KATNIP: variants seen among roughly 807,000 people sequenced by gnomAD.
KATNIP encodes katanin-interacting protein.
Under a neutral mutation model 174.0 loss-of-function variants are expected in KATNIP, and 126 were observed. The ratio of observed to expected loss-of-function variants is 0.72; its 90% CI spans 0.63 to 0.84. KATNIP has a LOEUF of 0.84. Among genes scored for constraint, KATNIP ranks in the 40% least tolerant of loss-of-function variants. KATNIP has a pLI of 0.00. For missense variants in KATNIP, 1,958 were observed against 2,109.7 expected (o/e 0.93, Z 1.41); for synonymous variants, 810 against 835.7 (o/e 0.97, Z 0.53).
rs2082623189 is a variant in KATNIP, at chr16:27,779,651, C to G, written c.*1022C>G. The G allele has an allele frequency of 6.6e-6, 1 of 152,396 alleles. No homozygotes were observed. The allele number at this position is 152,396 out of a possible 1,614,324, so 9.4% of individuals were successfully genotyped here. A position where few individuals can be genotyped will look rare whatever the true frequency, so the allele number is the denominator to read the frequency against. ...AGTGAGGTGCTCCTTTCCCAGGCCCCCACCCCTTCTCCCCCTTCAGCCACT... is the reference window on the plus strand; with the variant it reads ...AGTGAGGTGCTCCTTTCCCAGGCCCGCACCCCTTCTCCCCCTTCAGCCACT... On this transcript the variant is annotated 3_prime_UTR_variant, in exon 28 of 28. Transcript: ENST00000261588.
intron 19 of KATNIP, among the ~76,000 whole-genome samples, chr16:27,766,089 A>C (rs2144107262): frequency 6.6e-6 from 1 of 151,706 alleles, no homozygotes; most frequent in Admixed American, 6.5e-5. Context: ...TTAACAGCAT[A>C]GCCTTTTTTT....
chr16:27,602,145 G>C (rs1259435863), intron 2 of KATNIP, among the ~76,000 whole-genome samples: 3 of 152,108 alleles, frequency 2.0e-5, no homozygotes, highest in Non-Finnish European at 4.4e-5. Context: ...CCAGGCCTGA[G>C]CCCCCTCCTG....
At chr16:27,649,279 G>A (rs534263168) in intron 6 of KATNIP, among the ~76,000 whole-genome samples, 9 of 152,300 alleles carry the variant, frequency 5.9e-5, no homozygotes, top group South Asian at 2.1e-4. Context: ...AGTCCATGTC[G>A]GTTTAGCAGC....
At chr16:27,645,938 C>G (rs2142309732) in intron 5 of KATNIP, among the ~76,000 whole-genome samples, 1 of 152,270 alleles carries the variant, frequency 6.6e-6, no homozygotes, top group South Asian at 2.1e-4. Flanking sequence ...GGGCACATGG[C>G]CACCTCAGTA....
At chr16:27,583,869 C>A (rs1596800806) in intron 2 of KATNIP, among the ~76,000 whole-genome samples, 1 of 152,160 alleles carries the variant, frequency 6.6e-6, no homozygotes, top group Non-Finnish European at 1.5e-5. Flanking sequence ...CTTGACTCTG[C>A]CTTCTTTGGT....
chr16:27,609,139 C>G lies in KATNIP; in HGVS notation c.64-9286C>G, dbSNP rs190182803. Among the ~76,000 whole-genome samples the G allele has an allele frequency of 1.2e-4, 18 of 152,226 alleles. No homozygotes were observed. The East Asian group carries it at 3.1e-3, about 26-fold the overall frequency. On this transcript the variant is annotated intron_variant, in intron 2 of 27. Transcript: ENST00000261588. ...ATGTGTCCTCATGGATTCATTCACT[C>G]AACAATTTCATTGGAATGCACAATG...
intron 8 of KATNIP, among the ~76,000 whole-genome samples, chr16:27,685,599 A>C (rs2078492645): frequency 6.6e-6 from 1 of 152,330 alleles, no homozygotes; most frequent in South Asian, 2.1e-4. Flanking sequence ...ATTACCAGCT[A>C]TTCCTGGTAT....
intron 1 of KATNIP, among the ~76,000 whole-genome samples, chr16:27,552,285 G>A (rs895191204): frequency 2.0e-5 from 3 of 151,928 alleles, no homozygotes; most frequent in Admixed American, 2.0e-4. Context: ...TATAATTGGA[G>A]CAGAGAGAAA....
In KATNIP at chr16:27,665,126, G is replaced by T. The variant is rs866697855; in HGVS notation, c.541-12603G>T. Among the ~76,000 whole-genome samples the T allele has an allele frequency of 2.4e-3, 328 of 138,186 alleles. 2 individuals carry two copies. The highest frequency in any genetic ancestry group is 7.9e-3 in the African/African-American group (298 of 37,924). The allele number at this position is 138,186 out of a possible 152,430, so 90.7% of individuals were successfully genotyped here. ...GTTTCTGCTCTGTTCTCCGGAGGTT[G>T]TTTTTTTTTTTTTTTCTTGAGACAG... On this transcript the variant is annotated intron_variant, in intron 6 of 27. Transcript: ENST00000261588.
chr16:27,768,804 G>A (rs972555774), intron 20 of KATNIP, among the ~76,000 whole-genome samples: 3 of 152,218 alleles, frequency 2.0e-5, no homozygotes, highest in African/African-American at 7.2e-5. Flanking sequence ...GGCCCCAGGG[G>A]CACATGAGAG....
chr16:27,566,818 G>C (rs2090108830), intron 1 of KATNIP, among the ~76,000 whole-genome samples: 1 of 152,330 alleles, frequency 6.6e-6, no homozygotes, highest in East Asian at 1.9e-4. Context: ...GACAATGGCA[G>C]GTGCTCAGAA....
At chr16:27,562,865 G>A (rs2089941895) in intron 1 of KATNIP, among the ~76,000 whole-genome samples, 1 of 152,206 alleles carries the variant, frequency 6.6e-6, no homozygotes, top group African/African-American at 2.4e-5. Flanking sequence ...AACTGACTTT[G>A]TCATATTTCG....
At chr16:27,602,824 G>A (rs1469452930) in intron 2 of KATNIP, among the ~76,000 whole-genome samples, 1 of 151,948 alleles carries the variant, frequency 6.6e-6, no homozygotes, top group Non-Finnish European at 1.5e-5. Context: ...TCAGCCTCCC[G>A]AGTAGCTGTG....
At chr16:27,708,961 T>C in intron 13 of KATNIP, 41 bp downstream of exon 13, 1 of 1,475,874 alleles carries the variant, frequency 6.8e-7, no homozygotes. Flanking sequence ...GGCTGTGTAT[T>C]CCCATGCATT....
chr16:27,713,714 T>TA (rs1229239891), intron 13 of KATNIP, among the ~76,000 whole-genome samples: 1 of 115,918 alleles, frequency 8.6e-6, no homozygotes, highest in Admixed American at 8.9e-5. Flanking sequence ...ACATATTATA[T>TA]ATATGTGTGT....
At position 27,713,809 on chromosome 16, in the gene KATNIP, C is replaced by CATATAT. The variant is rs60005285; in HGVS notation, c.1605+4932_1605+4937dup. On this transcript the variant is annotated intron_variant, in intron 13 of 27. Transcript: ENST00000261588. ...ATATATGTGTGTGTGTGTGTATATA[C>CATATAT]ATATATATATATATATATATATATA... 2.8e-3 allele frequency among the ~76,000 whole-genome samples: 94 copies of CATATAT among 33,330 alleles called. 2 individuals carry two copies. Among genetic ancestry groups the CATATAT allele is most frequent in the Non-Finnish European group, 4.2e-3 (67 of 16,058 alleles). The allele number at this position is 33,330 out of a possible 152,430, so 21.9% of individuals were successfully genotyped here. A position where few individuals can be genotyped will look rare whatever the true frequency, so the allele number is the denominator to read the frequency against.
At chr16:27,646,128 C>G (rs929166501) in intron 5 of KATNIP, among the ~76,000 whole-genome samples, 5 of 152,226 alleles carry the variant, frequency 3.3e-5, no homozygotes, top group African/African-American at 9.6e-5. Context: ...TCACAAATAA[C>G]TTTAATCCTC....
intron 5 of KATNIP, among the ~76,000 whole-genome samples, chr16:27,632,775 G>A (rs1336387680): frequency 2.6e-5 from 4 of 151,976 alleles, no homozygotes; most frequent in African/African-American, 4.8e-5. Context: ...TTTTGAGACA[G>A]AGTCTCGCTC....
At chr16:27,738,895 G>A (rs527327703) in intron 14 of KATNIP, among the ~76,000 whole-genome samples, 1 of 152,296 alleles carries the variant, frequency 6.6e-6, no homozygotes, top group East Asian at 1.9e-4. Flanking sequence ...ATGTGTTGGG[G>A]CATCAGTGCC....
Sources: gnomAD v4.1 joint callset for allele counts (sites outside exome capture counted in the v4.1 genomes callset) on GRCh38, gnomAD v4.1.1 for gene constraint, MANE v1.5 for transcripts, NCBI Gene and HGNC (gene_info 2026-07-23, HGNC 2026-07-21) for gene names.